The following PDZD2 variants were observed in gnomAD, a reference collection of about 807,000 sequenced individuals.
PDZD2 encodes the protein PDZ domain-containing protein 2.
A neutral mutation model predicts 220.7 loss-of-function variants in PDZD2; 90 were observed. The observed-to-expected ratio is 0.41, with a 90% CI of 0.34 to 0.49. The LOEUF (loss-of-function observed/expected upper bound fraction) is 0.49, where lower values mean the gene tolerates loss of function less well. Among genes scored for constraint, PDZD2 ranks in the 20% least tolerant of loss-of-function variants. The pLI is 0.28. For synonymous variants in PDZD2, 1,375 were observed against 1,450.5 expected (o/e 0.95, Z 1.18); for missense variants, 3,174 against 3,608.5 (o/e 0.88, Z 3.08).
intron 1 of PDZD2, among the ~76,000 whole-genome samples, chr5:31,740,488 G>C (rs1417848084): frequency 7.8e-6 from 1 of 127,410 alleles, no homozygotes; most frequent in Non-Finnish European, 1.6e-5. Flanking sequence ...TCTTGCCACT[G>C]CACTCCAGCC....
chr5:31,691,656 G>A (rs1747140911), intron 1 of PDZD2, among the ~76,000 whole-genome samples: 1 of 152,130 alleles, frequency 6.6e-6, no homozygotes, highest in Admixed American at 6.5e-5. Flanking sequence ...TTTTGACAGG[G>A]CACTGATTGG....
chr5:31,785,980 G>T (rs1753357574), intron 1 of PDZD2, among the ~76,000 whole-genome samples: 1 of 152,120 alleles, frequency 6.6e-6, no homozygotes, highest in Non-Finnish European at 1.5e-5. Flanking sequence ...CTCGGGGTTA[G>T]TATATTCGCC....
At position 31,737,233 on chromosome 5, in the gene PDZD2, C is replaced by T. The variant is rs542056517; in HGVS notation, c.-360-61656C>T. Among the ~76,000 whole-genome samples the T allele has an allele frequency of 4.5e-5, 6 of 133,162 alleles. No homozygotes were observed. In the South Asian group the frequency reaches 7.0e-4, roughly 16 times the overall value. The allele number at this position is 133,162 out of a possible 152,430, so 87.4% of individuals were successfully genotyped here. ...TGTCTCCCAGGCTGGAGTGCAGTGG[C>T]GCCATCTCGGCTCACTGCAAGCTCC... On this transcript the variant is annotated intron_variant, in intron 1 of 24. Coordinates refer to ENST00000438447, the MANE Select transcript of PDZD2 (RefSeq NM_178140.4).
rs139595982 is a variant in PDZD2 at position 31,751,228 on chromosome 5, C to A, written c.-360-47661C>A. Among the ~76,000 whole-genome samples, 7 of 126,954 alleles carry A rather than the reference C, an allele frequency of 5.5e-5. No individual in the cohort carries two copies. The East Asian group carries it at 1.6e-3, about 29-fold the overall frequency. The allele number at this position is 126,954 out of a possible 152,430, so 83.3% of individuals were successfully genotyped here. A position where few individuals can be genotyped will look rare whatever the true frequency, so the allele number is the denominator to read the frequency against. On this transcript the variant is annotated intron_variant, in intron 1 of 24. Transcript: ENST00000438447. ...TGCACTCCGGCCTGGGTGACAAGAG[C>A]GAAAGTACATCTCCAAAAAAAAAAA...
intron 7 of PDZD2, 60 bp downstream of exon 7, chr5:32,037,402 G>A: frequency 1.1e-6 from 1 of 949,850 alleles, no homozygotes; most frequent in Admixed American, 2.0e-5. Flanking sequence ...CTCAGGAGCA[G>A]GGAGATGAAG....
intron 2 of PDZD2, among the ~76,000 whole-genome samples, chr5:31,895,552 G>C (rs1000001861): frequency 1.3e-5 from 2 of 152,178 alleles, no homozygotes; most frequent in Non-Finnish European, 2.9e-5. Flanking sequence ...AGCCCAGATG[G>C]AAGAAGATAC....
chr5:31,717,793 T>C (rs1312619761), intron 1 of PDZD2, among the ~76,000 whole-genome samples: 1 of 152,164 alleles, frequency 6.6e-6, no homozygotes, highest in African/African-American at 2.4e-5. Flanking sequence ...GAGGGGACAG[T>C]GCAGGAGGGA....
intron 6 of PDZD2, among the ~76,000 whole-genome samples, chr5:32,033,701 C>T (rs1442698550): frequency 6.6e-6 from 1 of 151,768 alleles, no homozygotes; most frequent in Non-Finnish European, 1.5e-5. Context: ...CTCACTGCAA[C>T]CTCTGCCTCC....
At chr5:32,070,527 A>G (rs1017302908) in intron 15 of PDZD2, among the ~76,000 whole-genome samples, 1 of 152,230 alleles carries the variant, frequency 6.6e-6, no homozygotes, top group African/African-American at 2.4e-5. Context: ...CTTCTGCTTC[A>G]TGGCATATAG....
intron 2 of PDZD2, among the ~76,000 whole-genome samples, chr5:31,875,438 T>G (rs1193920504): frequency 1.3e-5 from 2 of 151,612 alleles, no homozygotes; most frequent in Non-Finnish European, 2.9e-5. Context: ...ACAAAAAAAT[T>G]AGCTGGGCGT....
chr5:31,975,964 T>G (rs1749731831), intron 2 of PDZD2, among the ~76,000 whole-genome samples: 1 of 151,784 alleles, frequency 6.6e-6, no homozygotes, highest in Non-Finnish European at 1.5e-5. Context: ...CCACCACACC[T>G]GTTAATTTTT....
intron 1 of PDZD2, among the ~76,000 whole-genome samples, chr5:31,710,589 G>A (rs1233200594): frequency 1.3e-5 from 2 of 152,070 alleles, no homozygotes; most frequent in African/African-American, 4.8e-5. Flanking sequence ...AGGCCGAGGC[G>A]GGTGGATCAC....
At chr5:31,751,281 C>T (rs904881742) in intron 1 of PDZD2, among the ~76,000 whole-genome samples, 1 of 149,600 alleles carries the variant, frequency 6.7e-6, no homozygotes, top group Non-Finnish European at 1.5e-5. Context: ...TTAAATTGAC[C>T]GTTTCTCCAG....
intron 1 of PDZD2, among the ~76,000 whole-genome samples, chr5:31,693,305 G>A (rs1238464177): frequency 6.9e-6 from 1 of 144,786 alleles, no homozygotes; most frequent in Non-Finnish European, 1.5e-5. Flanking sequence ...GCAGTGGTAC[G>A]ATCTCGGCTC....
chr5:32,036,979 G>A (rs996356718), intron 6 of PDZD2, among the ~76,000 whole-genome samples: 7 of 152,240 alleles, frequency 4.6e-5, no homozygotes, highest in Admixed American at 6.5e-5. Flanking sequence ...GCAGTGAGAC[G>A]TGTGCTGAGG....
intron 7 of PDZD2, among the ~76,000 whole-genome samples, chr5:32,038,023 T>C (rs1362966887): frequency 6.7e-6 from 1 of 148,690 alleles, no homozygotes; most frequent in Admixed American, 6.7e-5. Context: ...TTTGCATTTT[T>C]AGTGGAGACA....
At chr5:31,699,154 T>C (rs181311737) in intron 1 of PDZD2, among the ~76,000 whole-genome samples, 1 of 152,114 alleles carries the variant, frequency 6.6e-6, no homozygotes, top group Admixed American at 6.5e-5. Context: ...TATATTCTGG[T>C]AGGGAAGAAA....
At chr5:31,778,867 T>C (rs912845036) in intron 1 of PDZD2, among the ~76,000 whole-genome samples, 6 of 152,206 alleles carry the variant, frequency 3.9e-5, no homozygotes, top group African/African-American at 1.4e-4. Context: ...AAACCACTCA[T>C]AGATCTCCTT....
At chr5:31,677,822 A>G (rs998285208) in intron 1 of PDZD2, among the ~76,000 whole-genome samples, 14 of 152,014 alleles carry the variant, frequency 9.2e-5, no homozygotes, top group Admixed American at 2.0e-4. Flanking sequence ...AGGCACGCTG[A>G]TCTTTAGGGG....
Sources: gnomAD v4.1 joint callset for allele counts (sites outside exome capture counted in the v4.1 genomes callset) on GRCh38, gnomAD v4.1.1 for gene constraint, MANE v1.5 for transcripts, NCBI Gene and HGNC (gene_info 2026-07-23, HGNC 2026-07-21) for gene names.